FRYL: variants seen among roughly 807,000 people sequenced by gnomAD.
The protein encoded by FRYL is FRY like transcription coactivator, also known as protein furry homolog-like.
Under a neutral mutation model 351.2 loss-of-function variants are expected in FRYL, and 150 were observed. The observed-to-expected ratio is 0.43, with a 90% CI of 0.37 to 0.49. The LOEUF (loss-of-function observed/expected upper bound fraction) is 0.49. Ranked by LOEUF, FRYL falls within the 20% of genes least tolerant of loss-of-function variation. FRYL has a pLI of 0.00. For missense variants in FRYL, 3,036 were observed against 3,619.3 expected, an observed-to-expected ratio of 0.84 and a Z score of 4.13; for synonymous variants, 1,153 against 1,257.1, an observed-to-expected ratio of 0.92 and a Z score of 1.75.
In FRYL at chr4:48,595,703, A is replaced by G; in HGVS notation, c.1140-5T>C. On this transcript the variant is annotated splice_region_variant and splice_polypyrimidine_tract_variant and intron_variant, in intron 14 of 63. Coordinates refer to ENST00000358350, the MANE Select transcript of FRYL (RefSeq NM_015030.2). ...GACACTATGCTCATAAGACGACTAC[A>G]GGGAAAAAGATCTAGTCATAGTGAG... The G allele has an allele frequency of 6.3e-7, 1 of 1,585,654 alleles. No individual in the cohort carries two copies. Among genetic ancestry groups the G allele is most frequent in the South Asian group, 1.1e-5 (1 of 89,058 alleles).
intron 3 of FRYL, among the ~76,000 whole-genome samples, chr4:48,667,456 G>C (rs1384627658): frequency 6.7e-6 from 1 of 149,860 alleles, no homozygotes; most frequent in African/African-American, 2.5e-5. Context: ...TTGAACTGGA[G>C]AGATTTTAGC....
chr4:48,612,430 A>G (rs1748397307), intron 7 of FRYL, among the ~76,000 whole-genome samples: 1 of 151,868 alleles, frequency 6.6e-6, no homozygotes, highest in Non-Finnish European at 1.5e-5. Flanking sequence ...TTGTGTATCT[A>G]CGGTTTTGCT....
At chr4:48,608,748 T>C (rs969103863) in intron 9 of FRYL, among the ~76,000 whole-genome samples, 8 of 152,212 alleles carry the variant, frequency 5.3e-5, no homozygotes, top group African/African-American at 1.9e-4. Context: ...TGGCAATTTC[T>C]GATTTGTTCG....
chr4:48,512,651 G>C lies in FRYL; in HGVS notation c.7975C>G (p.Gln2659Glu), dbSNP rs377236325. ...EEEQDGFPEVQTSPLPSPFLS... is the reference protein window; with the variant it reads ...EEEQDGFPEVETSPLPSPFLS... ...AATGGTGACGGCAGAGGCGACGTCT[G>C]TACTTCTGGAAAACCATCTTGCTCT... Residue 2659 changes from glutamine (Q) to glutamate (E), a missense_variant, in exon 57 of 64, where the codon CAG becomes GAG. Around this residue, in one of 7 missense-constraint regions of FRYL, gnomAD observed 1,987 missense variants for 2,311.7 expected, o/e 0.86. Coordinates refer to ENST00000358350, the MANE Select transcript of FRYL (RefSeq NM_015030.2). 8.1e-6 allele frequency: 13 copies of C among 1,613,812 alleles called. No individual in the cohort carries two copies. Among genetic ancestry groups the C allele is most frequent in the Non-Finnish European group, 1.1e-5 (13 of 1,179,878 alleles).
At chr4:48,743,534 C>T (rs1384807237) in intron 1 of FRYL, among the ~76,000 whole-genome samples, 1 of 152,150 alleles carries the variant, frequency 6.6e-6, no homozygotes, top group African/African-American at 2.4e-5. Context: ...AAGTAATTCT[C>T]CTGTTCCCTA....
At chr4:48,690,244 T>C (rs1338989057) in intron 2 of FRYL, among the ~76,000 whole-genome samples, 2 of 152,042 alleles carry the variant, frequency 1.3e-5, no homozygotes, top group East Asian at 1.9e-4. Flanking sequence ...TAGTAAAAAG[T>C]AGTACTTCTT....
At chr4:48,550,542 C>G (rs756265330) in intron 38 of FRYL, 50 bp downstream of exon 38, 3 of 1,103,628 alleles carry the variant, frequency 2.7e-6, no homozygotes, top group Non-Finnish European at 2.8e-6. Context: ...ATGTAATTAA[C>G]AATACACCTC....
chr4:48,640,760 T>C (rs1755162562), intron 3 of FRYL, among the ~76,000 whole-genome samples: 1 of 152,116 alleles, frequency 6.6e-6, no homozygotes, highest in Non-Finnish European at 1.5e-5. Context: ...TCTACTCAAG[T>C]TTTCTGTAAA....
chr4:48,756,390 T>C (rs1773779526), intron 1 of FRYL, among the ~76,000 whole-genome samples: 2 of 152,178 alleles, frequency 1.3e-5, no homozygotes, highest in Admixed American at 6.5e-5. Context: ...CTGTCAGATA[T>C]TGTTCCAGTC....
intron 1 of FRYL, among the ~76,000 whole-genome samples, chr4:48,765,447 A>G (rs1446972251): frequency 2.0e-5 from 3 of 152,218 alleles, no homozygotes; most frequent in South Asian, 4.1e-4. Flanking sequence ...GGATAGTCAC[A>G]TGCAGAAGAA....
intron 22 of FRYL, chr4:48,580,558 T>C (rs905250721): frequency 4.1e-5 from 13 of 316,356 alleles, no homozygotes; most frequent in Admixed American, 1.4e-4. Context: ...ACGAATATTA[T>C]ATGCCATAAT....
intron 3 of FRYL, among the ~76,000 whole-genome samples, chr4:48,644,857 T>A (rs1031216049): frequency 2.0e-5 from 3 of 151,664 alleles, no homozygotes; most frequent in Admixed American, 6.6e-5. Context: ...TTTAACCAAA[T>A]ACAAATTTAA....
At chr4:48,651,374 GT>G (rs1363743860) in intron 3 of FRYL, among the ~76,000 whole-genome samples, 7 of 146,070 alleles carry the variant, frequency 4.8e-5, no homozygotes, top group African/African-American at 1.8e-4. Flanking sequence ...ATCTCACTAT[GT>G]TGCCCAGGCT....
At chr4:48,725,202 T>C (rs1323632476) in intron 1 of FRYL, among the ~76,000 whole-genome samples, 1 of 152,228 alleles carries the variant, frequency 6.6e-6, no homozygotes, top group African/African-American at 2.4e-5. Flanking sequence ...CGGCCATATC[T>C]GCTGTGCTCC....
intron 1 of FRYL, among the ~76,000 whole-genome samples, chr4:48,721,496 A>G (rs1264033823): frequency 6.6e-6 from 1 of 152,086 alleles, no homozygotes; most frequent in Non-Finnish European, 1.5e-5. Flanking sequence ...CCCCATCTCT[A>G]TAAGAAGTAA....
At chr4:48,601,994 A>G (rs1456356773) in intron 13 of FRYL, 26 bp downstream of exon 13, 1 of 1,262,074 alleles carries the variant, frequency 7.9e-7, no homozygotes, top group East Asian at 2.3e-5. Flanking sequence ...CAGTATTTAC[A>G]TATCAGAAGT....
chr4:48,561,381 T>C, intron 33 of FRYL, 87 bp downstream of exon 33: 1 of 876,706 alleles, frequency 1.1e-6, no homozygotes. Flanking sequence ...ATTTAACCTG[T>C]AATTTAATAA....
chr4:48,592,115 T>TATA (rs1743518374), intron 16 of FRYL, among the ~76,000 whole-genome samples: 13 of 131,468 alleles, frequency 9.9e-5, no homozygotes, highest in South Asian at 2.5e-4. Context: ...TATATATATA[T>TATA]TTTATCTAAG....
At position 48,500,096 on chromosome 4, in the gene FRYL, T is replaced by C; in HGVS notation, c.8717A>G (p.His2906Arg). Residue 2906 changes from histidine to arginine, a missense_variant, in exon 63 of 64, where the codon CAT (histidine) becomes CGT (arginine). Physicochemically the swap from His to Arg is conservative, Grantham distance 29. Around this residue, in one of 7 missense-constraint regions of FRYL, gnomAD observed 1,987 missense variants for 2,311.7 expected, o/e 0.86. Coordinates refer to ENST00000358350, the MANE Select transcript of FRYL (RefSeq NM_015030.2). ...ATTTTTCAAAGTTTCAATTAAAGAA[T>C]GAATGGCAGTTTCTATAGTAGTTTG... ...AAQTTIETAI[H>R]SLIETLKNKE... The C allele has an allele frequency of 1.3e-6, 2 of 1,597,952 alleles. No homozygotes were observed. Among genetic ancestry groups the C allele is most frequent in the Non-Finnish European group, 1.7e-6 (2 of 1,174,180 alleles).
Sources: allele counts gnomAD v4.1 joint callset (sites outside exome capture counted in the v4.1 genomes callset), GRCh38; gene constraint gnomAD v4.1.1; regional missense constraint gnomAD v4.1.1; transcripts MANE v1.5; gene names NCBI Gene and HGNC (gene_info 2026-07-23, HGNC 2026-07-21).